ABHD16A: variants seen among roughly 807,000 people sequenced by gnomAD.
ABHD16A encodes phosphatidylserine lipase ABHD16A.
ABHD16A carries 47 observed loss-of-function variants against 89.8 expected under a neutral mutation model. The ratio of observed to expected loss-of-function variants is 0.52; its 90% CI spans 0.41 to 0.67. ABHD16A has a LOEUF of 0.67. ABHD16A is among the 30% of genes least tolerant of loss of function. The pLI is 0.00. For missense variants in ABHD16A, 580 were observed against 734.6 expected, an observed-to-expected ratio of 0.79 and a Z score of 2.43; for synonymous variants, 251 against 280.4, an observed-to-expected ratio of 0.90 and a Z score of 1.05.
rs1322563257 is a variant in ABHD16A, at chr6:31,690,308, G to C, written c.908-181C>G. 1 of 684,190 alleles carries C rather than the reference G, an allele frequency of 1.5e-6. No individual in the cohort carries two copies. Among genetic ancestry groups the C allele is most frequent in the Non-Finnish European group, 2.5e-6 (1 of 404,046 alleles). 42.4% of individuals were successfully genotyped at this position (684,190 alleles called of 1,614,324 possible). A position where few individuals can be genotyped will look rare whatever the true frequency, so the allele number is the denominator to read the frequency against. On this transcript the variant is annotated intron_variant, in intron 10 of 19. Coordinates refer to ENST00000395952, the MANE Select transcript of ABHD16A (RefSeq NM_021160.3). The surrounding 1 kb of genome is among the most constrained non-coding windows in gnomAD (Gnocchi z 4.1). The stretch of plus-strand genomic sequence containing the variant: ...ACAGGGAGCAGCATGTGATTGTGTG[G>C]GGTGTGTGGTGGGGGAATGGAACAG...
In ABHD16A at chr6:31,687,409, C is replaced by T; in HGVS notation, c.1593+89G>A. 6.2e-7 allele frequency: 1 copy of T among 1,608,078 alleles called. No individual in the cohort carries two copies. Among genetic ancestry groups the T allele is most frequent in the South Asian group, 1.1e-5 (1 of 90,990 alleles). ...CCACCACCCACTCTACAAAAGCTGC[C>T]ACTTCCAATGCTTATAGGGTATCCC... On this transcript the variant is annotated intron_variant, in intron 19 of 19. Coordinates refer to ENST00000395952, the MANE Select transcript of ABHD16A (RefSeq NM_021160.3). This position sits in a 1 kb window ranked among gnomAD's most constrained non-coding sequence, Gnocchi z 6.3.
intron 7 of ABHD16A, chr6:31,692,628 G>A (rs902679474): frequency 5.6e-5 from 13 of 234,024 alleles, no homozygotes; most frequent in African/African-American, 2.8e-4. Context: ...CACAGGTGCA[G>A]ACACTGAGGC....
chr6:31,690,597 G>C lies in ABHD16A; in HGVS notation c.849C>G (p.Ile283Met). The C allele has an allele frequency of 6.2e-7, 1 of 1,612,968 alleles. No individual in the cohort carries two copies. The highest frequency in any genetic ancestry group is 2.2e-5 in the East Asian group (1 of 44,872). The change falls in exon 10 of 20, where the codon ATC becomes ATG. Residue 283 changes from isoleucine to methionine, a missense_variant. Transcript: ENST00000395952. This position sits in a 1 kb window ranked among gnomAD's most constrained non-coding sequence, Gnocchi z 4.1. ...TAEPQGQKLV[I>M]CCEGNAGFYE... ...AAAACCCAGCATTCCCCTCACAGCA[G>C]ATCACCTAGGAAGGAGGCAGGAAGG...
rs2151235621 is a variant in ABHD16A at position 31,693,079 on chromosome 6, TC to T, written c.573del (p.Thr192GlnfsTer25). 3.1e-6 allele frequency: 5 copies of T among 1,613,846 alleles called. No homozygotes were observed. Among genetic ancestry groups the T allele is most frequent in the Non-Finnish European group, 4.2e-6 (5 of 1,179,986 alleles). On this transcript the variant is annotated frameshift_variant, in exon 7 of 20. Transcript: ENST00000395952. LOFTEE classifies it high-confidence loss of function. This position sits in a 1 kb window ranked among gnomAD's most constrained non-coding sequence, Gnocchi z 5.0. ...ALLRPEPLHR[G>X]TADTLLNRVK... ...ACCCGGTTGAGGAGGGTGTCTGCTG[TC>T]CCCCGGTGCAGGGGCTCTGGGCGAA...
In ABHD16A at chr6:31,696,979, G is replaced by C. The variant is rs1296715072; in HGVS notation, c.398C>G (p.Ala133Gly). Residue 133 changes from alanine (A) to glycine (G), a missense_variant, in exon 5 of 20, where the codon GCA becomes GGA. Transcript: ENST00000395952. ...TTCTGAAGACTGGTTCCGATGTGTT[G>C]CTTCCAAGATGGTGATGAACTGCCG... ...QYRQFITILE[A>G]THRNQSSENK... 2 of 1,613,080 alleles carry C rather than the reference G, an allele frequency of 1.2e-6. No homozygotes were observed. The highest frequency in any genetic ancestry group is 2.2e-5 in the South Asian group (2 of 91,086).
chr6:31,688,412 G>T lies in ABHD16A; in HGVS notation c.1251-107C>A. 1 of 1,186,316 alleles carries T rather than the reference G, an allele frequency of 8.4e-7. No homozygotes were observed. The highest frequency in any genetic ancestry group is 1.2e-6 in the Non-Finnish European group (1 of 803,094). 73.5% of individuals were successfully genotyped at this position (1,186,316 alleles called of 1,614,324 possible). On this transcript the variant is annotated intron_variant, in intron 14 of 19. Coordinates refer to ENST00000395952, the MANE Select transcript of ABHD16A (RefSeq NM_021160.3). This position sits in a 1 kb window ranked among gnomAD's most constrained non-coding sequence, Gnocchi z 4.9. ...GCATTCTTACCCTCCCCTTGCTATA[G>T]CACAGCCCTTGACCTAGCCCTTCAC...
chr6:31,688,839 T>C lies in ABHD16A; in HGVS notation c.1187-53A>G. Reference sequence around the variant, plus strand: ...GCAGAGACAAAGCCCTTGCCCAACATAAAGGTCCTCACTATTCACGGAGAA... The same window carrying C: ...GCAGAGACAAAGCCCTTGCCCAACACAAAGGTCCTCACTATTCACGGAGAA... On this transcript the variant is annotated intron_variant, in intron 13 of 19. Coordinates refer to ENST00000395952, the MANE Select transcript of ABHD16A (RefSeq NM_021160.3). This position sits in a 1 kb window ranked among gnomAD's most constrained non-coding sequence, Gnocchi z 4.9. The C allele has an allele frequency of 3.2e-6, 5 of 1,574,696 alleles. No homozygotes were observed. The highest frequency in any genetic ancestry group is 3.3e-4 in the Middle Eastern group (2 of 5,994).
At chr6:31,699,462 A>G (rs1804719204) in intron 4 of ABHD16A, among the ~76,000 whole-genome samples, 1 of 150,598 alleles carries the variant, frequency 6.6e-6, no homozygotes, top group South Asian at 2.1e-4. Context: ...TCGGTGTTCT[A>G]CCTCAAACAT....
At position 31,701,624 on chromosome 6, in the gene ABHD16A, G is replaced by A. The variant is rs145012921; in HGVS notation, c.190-284C>T. Among the ~76,000 whole-genome samples, 44 of 152,180 alleles carry A rather than the reference G, an allele frequency of 2.9e-4. No homozygotes were observed. The East Asian group carries it at 7.9e-3, about 27-fold the overall frequency. ...AGACATAATTCCATCACATTTAAAG[G>A]CAGTCTCTCTGTCTACTCAAGTTAA... On this transcript the variant is annotated intron_variant, in intron 2 of 19. Transcript: ENST00000395952.
At position 31,689,122 on chromosome 6, in the gene ABHD16A, G is replaced by A. The variant is rs766643400; in HGVS notation, c.1082-3C>T. Reference sequence around the variant, plus strand: ...GTAGGACATGGCTGCCCACGTGGCTGGTACCAGGGCAGGGAAGAAGAGTAA... The same window carrying A: ...GTAGGACATGGCTGCCCACGTGGCTAGTACCAGGGCAGGGAAGAAGAGTAA... On this transcript the variant is annotated splice_region_variant and splice_polypyrimidine_tract_variant and intron_variant, in intron 12 of 19. Transcript: ENST00000395952. The A allele has an allele frequency of 3.5e-5, 56 of 1,612,892 alleles. 1 individual carries two copies. The South Asian group carries it at 4.4e-4, about 13-fold the overall frequency.
chr6:31,687,133 C>T lies in ABHD16A; in HGVS notation c.*79G>A. 7.4e-7 allele frequency: 1 copy of T among 1,353,406 alleles called. No homozygotes were observed. Among genetic ancestry groups the T allele is most frequent in the Non-Finnish European group, 1.0e-6 (1 of 970,436 alleles). 83.8% of individuals were successfully genotyped at this position (1,353,406 alleles called of 1,614,324 possible). On this transcript the variant is annotated 3_prime_UTR_variant, in exon 20 of 20. Coordinates refer to ENST00000395952, the MANE Select transcript of ABHD16A (RefSeq NM_021160.3). The surrounding 1 kb of genome is among the most constrained non-coding windows in gnomAD (Gnocchi z 6.3). The stretch of plus-strand genomic sequence containing the variant: ...CACAAACTATAAACAGCAACATGAA[C>T]ACAGAGAATCACAAATAAGAGGGTC...
Position 31,687,364 on chromosome 6 carries a change from C to T in ABHD16A, c.1594-69G>A. 6.3e-7 allele frequency: 1 copy of T among 1,596,694 alleles called. No homozygotes were observed. Among genetic ancestry groups the T allele is most frequent in the South Asian group, 1.1e-5 (1 of 90,644 alleles). On this transcript the variant is annotated intron_variant, in intron 19 of 19. Coordinates refer to ENST00000395952, the MANE Select transcript of ABHD16A (RefSeq NM_021160.3). This position sits in a 1 kb window ranked among gnomAD's most constrained non-coding sequence, Gnocchi z 6.3. ...GGAGGGGCAGCCACTGGACTCCCTCCCCACCCTCCACTTCCGCATCCACCA... is the reference window on the plus strand; with the variant it reads ...GGAGGGGCAGCCACTGGACTCCCTCTCCACCCTCCACTTCCGCATCCACCA...
chr6:31,702,181 TC>T (rs755417806), intron 1 of ABHD16A, 51 bp from the exon 2 acceptor site: 23 of 1,572,904 alleles, frequency 1.5e-5, no homozygotes, highest in Admixed American at 5.0e-5. Context: ...GCAGGTCCTT[TC>T]CCTTCCCTTT....
rs533095837 is a variant in ABHD16A, at chr6:31,703,045, C to T, written c.132+105G>A. ...CAGATTTTGCGGATAACTGGCTTGA[C>T]AAGCAGGCTCCCCTTATTTCCCATT... On this transcript the variant is annotated intron_variant, in intron 1 of 19. Coordinates refer to ENST00000395952, the MANE Select transcript of ABHD16A (RefSeq NM_021160.3). 102 of 1,368,860 alleles carry T rather than the reference C, an allele frequency of 7.5e-5. No homozygotes were observed. The East Asian group carries it at 2.6e-3, about 35-fold the overall frequency. The allele number at this position is 1,368,860 out of a possible 1,614,324, so 84.8% of individuals were successfully genotyped here.
rs1554186639 is a variant in ABHD16A at position 31,698,146 on chromosome 6, T to C, written c.344-1113A>G. Among the ~76,000 whole-genome samples the C allele has an allele frequency of 6.6e-6, 1 of 152,166 alleles. No homozygotes were observed. The highest frequency in any genetic ancestry group is 1.5e-5 in the Non-Finnish European group (1 of 68,030). ...ACCATATTTCATAGATTCTAAAATG[T>C]ATATTTTTTAACCCTTGAAAACTCT... is the stretch of plus-strand genomic sequence containing the variant. On this transcript the variant is annotated intron_variant, in intron 4 of 19. Coordinates refer to ENST00000395952, the MANE Select transcript of ABHD16A (RefSeq NM_021160.3). The surrounding 1 kb of genome is among the most constrained non-coding windows in gnomAD (Gnocchi z 4.1).
intron 12 of ABHD16A, among the ~76,000 whole-genome samples, 169 bp from the exon 13 acceptor site, chr6:31,689,288 G>A (rs1803619703): frequency 1.3e-5 from 2 of 152,098 alleles, no homozygotes; most frequent in Non-Finnish European, 2.9e-5. Flanking sequence ...GGAGAGGATG[G>A]GGATAGAACA....
chr6:31,695,501 A>C (rs1173602403), intron 5 of ABHD16A, among the ~76,000 whole-genome samples: 2 of 152,070 alleles, frequency 1.3e-5, no homozygotes, highest in East Asian at 3.9e-4. Context: ...AGGCAGGTGG[A>C]TCACCTGAGG....
At position 31,691,848 on chromosome 6, in the gene ABHD16A, G is replaced by A; in HGVS notation, c.697C>T (p.Leu233Phe). ...PGSVYLLQKA[L>F]MPVLLQGQAR... ...TGGCCCTGCAGCAGCACAGGCATGA[G>A]GGCCTTCTGCAGCAGGTACACAGAG... The change falls in exon 8 of 20, where the codon CTC (leucine) becomes TTC (phenylalanine). Residue 233 changes from leucine to phenylalanine, a missense_variant. By Grantham distance (22) the Leu-to-Phe change is conservative (BLOSUM62 0). Around this residue, in one of 2 missense-constraint regions of ABHD16A, gnomAD observed 415 missense variants for 568.8 expected, o/e 0.73. Coordinates refer to ENST00000395952, the MANE Select transcript of ABHD16A (RefSeq NM_021160.3). 1.9e-6 allele frequency: 3 copies of A among 1,611,884 alleles called. No individual in the cohort carries two copies. The highest frequency in any genetic ancestry group is 2.2e-5 in the East Asian group (1 of 44,892).
At position 31,690,066 on chromosome 6, in the gene ABHD16A, A is replaced by C; in HGVS notation, c.957+12T>G. ...ATTCAGGAAAAGGAAGGGATTCCTGAGATGGTCTCACCGTGCTTCCAGCAA... is the reference window on the plus strand; with the variant it reads ...ATTCAGGAAAAGGAAGGGATTCCTGCGATGGTCTCACCGTGCTTCCAGCAA... On this transcript the variant is annotated intron_variant, in intron 11 of 19. Transcript: ENST00000395952. The surrounding 1 kb of genome is among the most constrained non-coding windows in gnomAD (Gnocchi z 4.1). 6.3e-7 allele frequency: 1 copy of C among 1,585,314 alleles called. No individual in the cohort carries two copies.
Sources: allele counts gnomAD v4.1 joint callset (sites outside exome capture counted in the v4.1 genomes callset), GRCh38; gene constraint gnomAD v4.1.1; regional missense constraint gnomAD v4.1.1; non-coding constraint Gnocchi (gnomAD v3.1); transcripts MANE v1.5; gene names NCBI Gene and HGNC (gene_info 2026-07-23, HGNC 2026-07-21).